The following PIGK variants were observed in gnomAD, a reference collection of about 807,000 sequenced individuals.
PIGK encodes the protein GPI-anchor transamidase.
In PIGK, 42 loss-of-function variants were observed where a neutral mutation model predicts 50.6. The ratio of observed to expected loss-of-function variants is 0.83; its 90% CI spans 0.65 to 1.07. PIGK has a LOEUF of 1.07. Ranked by LOEUF, PIGK falls within the 50% of genes least tolerant of loss-of-function variation. PIGK has a pLI of 0.00. For missense variants in PIGK, 448 were observed against 488.7 expected (o/e 0.92, Z 0.78); for synonymous variants, 151 against 156.0 (o/e 0.97, Z 0.24).
chr1:77,151,298 C>T (rs1037694901), intron 9 of PIGK, among the ~76,000 whole-genome samples: 1 of 152,132 alleles, frequency 6.6e-6, no homozygotes, highest in African/African-American at 2.4e-5. Context: ...AATTCAGCAT[C>T]CCTTCATGAT....
chr1:77,176,923 T>C (rs1181498979), intron 3 of PIGK, among the ~76,000 whole-genome samples: 1 of 152,182 alleles, frequency 6.6e-6, no homozygotes. Flanking sequence ...AATATTGGTG[T>C]GGTAACTTAC....
chr1:77,151,131 T>TA (rs1005416582), intron 9 of PIGK, among the ~76,000 whole-genome samples: 5 of 151,678 alleles, frequency 3.3e-5, no homozygotes, highest in African/African-American at 7.3e-5. Context: ...CACAGCACAT[T>TA]AAAAAAAGAC....
intron 3 of PIGK, among the ~76,000 whole-genome samples, chr1:77,175,073 CT>C (rs1223297693): frequency 6.6e-6 from 1 of 152,056 alleles, no homozygotes; most frequent in Non-Finnish European, 1.5e-5. Flanking sequence ...CTTTAGTAAT[CT>C]TTGGGAAATA....
rs1653307959 is a variant in PIGK, at chr1:77,091,847, C to T, written c.*527G>A. The T allele has an allele frequency of 6.6e-6, 1 of 152,106 alleles. No individual in the cohort carries two copies. The highest frequency in any genetic ancestry group is 6.5e-5 in the Admixed American group (1 of 15,268). 9.4% of individuals were successfully genotyped at this position (152,106 alleles called of 1,614,324 possible). A position where few individuals can be genotyped will look rare whatever the true frequency, so the allele number is the denominator to read the frequency against. ...AAGACTGTGAAATGAATTAAATATT[C>T]ATAAAGTGAATACTATGCAGTCATT... On this transcript the variant is annotated 3_prime_UTR_variant, in exon 11 of 11. Transcript: ENST00000370812.
chr1:77,132,936 G>A (rs904733114), intron 9 of PIGK, among the ~76,000 whole-genome samples: 4 of 151,928 alleles, frequency 2.6e-5, no homozygotes, highest in African/African-American at 9.7e-5. Flanking sequence ...TCTCTGTCAG[G>A]CTTTTAAGTT....
intron 10 of PIGK, among the ~76,000 whole-genome samples, chr1:77,109,302 A>C (rs1211089883): frequency 5.3e-5 from 8 of 152,188 alleles, no homozygotes; most frequent in Non-Finnish European, 1.0e-4. Flanking sequence ...CAGAGACACA[A>C]CAACAAAAGA....
At position 77,169,401 on chromosome 1, in the gene PIGK, G is replaced by T; in HGVS notation, c.240-6C>A. The T allele has an allele frequency of 6.4e-7, 1 of 1,569,182 alleles. No individual in the cohort carries two copies. Among genetic ancestry groups the T allele is most frequent in the Non-Finnish European group, 8.6e-7 (1 of 1,162,512 alleles). ...CAAGCATTAGGACAATGTGACTAGG[G>T]AAAAAAAATCCAGTAAATATATAAT... is the stretch of plus-strand genomic sequence containing the variant. On this transcript the variant is annotated splice_polypyrimidine_tract_variant and splice_region_variant and intron_variant, in intron 3 of 10. Coordinates refer to ENST00000370812, the MANE Select transcript of PIGK (RefSeq NM_005482.3).
In PIGK at chr1:77,133,836, T is replaced by C. The variant is rs1476675962; in HGVS notation, c.987-11477A>G. Among the ~76,000 whole-genome samples, 4 of 152,292 alleles carry C rather than the reference T, an allele frequency of 2.6e-5. No homozygotes were observed. The South Asian group carries it at 6.2e-4, about 24-fold the overall frequency. On this transcript the variant is annotated intron_variant, in intron 9 of 10. Coordinates refer to ENST00000370812, the MANE Select transcript of PIGK (RefSeq NM_005482.3). The stretch of plus-strand genomic sequence containing the variant: ...AGTAAGACTATAGAGATTTCTAATA[T>C]AATTTTCAAAGGTTTCTGACTTACA...
At chr1:77,188,371 T>C (rs569134083) in intron 3 of PIGK, among the ~76,000 whole-genome samples, 3 of 152,210 alleles carry the variant, frequency 2.0e-5, no homozygotes, top group South Asian at 2.1e-4. Context: ...ACTGCAGAGA[T>C]GAAATATACT....
chr1:77,096,250 G>A (rs778866686), intron 10 of PIGK, among the ~76,000 whole-genome samples: 3 of 152,072 alleles, frequency 2.0e-5, no homozygotes, highest in Non-Finnish European at 2.9e-5. Context: ...GCACATCTTC[G>A]AGTCCTTCAT....
intron 3 of PIGK, among the ~76,000 whole-genome samples, chr1:77,193,489 G>A (rs917058517): frequency 3.9e-5 from 6 of 152,120 alleles, no homozygotes; most frequent in Non-Finnish European, 7.4e-5. Context: ...TGGAAAGCCC[G>A]AAGATATGTC....
chr1:77,093,555 G>T (rs1653343731), intron 10 of PIGK, among the ~76,000 whole-genome samples: 1 of 152,100 alleles, frequency 6.6e-6, no homozygotes, highest in African/African-American at 2.4e-5. Context: ...TAAAAGGAAA[G>T]AAAGCTACCT....
At chr1:77,174,748 ACC>A (rs1655444304) in intron 3 of PIGK, among the ~76,000 whole-genome samples, 1 of 151,418 alleles carries the variant, frequency 6.6e-6, no homozygotes, top group Non-Finnish European at 1.5e-5. Context: ...TGAGAATGAG[ACC>A]CTTAATTTCT....
rs543551501 is a variant in PIGK, at chr1:77,186,729, G to A, written c.240-17334C>T. ...TGAACAAAGTGGCTATGGTGGCAGG[G>A]ATGGAGGTTACACAGGAGTTCAGCA... On this transcript the variant is annotated intron_variant, in intron 3 of 10. Coordinates refer to ENST00000370812, the MANE Select transcript of PIGK (RefSeq NM_005482.3). Among the ~76,000 whole-genome samples the A allele has an allele frequency of 1.1e-3, 160 of 152,236 alleles. 1 individual carries two copies. Among genetic ancestry groups the A allele is most frequent in the African/African-American group, 3.6e-3 (149 of 41,530 alleles).
At chr1:77,126,025 C>T (rs1654222725) in intron 9 of PIGK, among the ~76,000 whole-genome samples, 1 of 152,038 alleles carries the variant, frequency 6.6e-6, no homozygotes. Context: ...CATTTACTTT[C>T]CCGAGTTCAG....
At chr1:77,210,122 T>C (rs1319507027) in intron 2 of PIGK, among the ~76,000 whole-genome samples, 1 of 152,068 alleles carries the variant, frequency 6.6e-6, no homozygotes, top group Non-Finnish European at 1.5e-5. Flanking sequence ...ATACTATAAA[T>C]AACAGATGCA....
chr1:77,164,207 C>G (rs751934438), intron 5 of PIGK, among the ~76,000 whole-genome samples: 2 of 152,154 alleles, frequency 1.3e-5, no homozygotes, highest in Non-Finnish European at 2.9e-5. Flanking sequence ...CTTCCACTGG[C>G]TCCATTATTA....
chr1:77,109,969 GACAA>G (rs1653798661), intron 10 of PIGK, among the ~76,000 whole-genome samples: 1 of 152,086 alleles, frequency 6.6e-6, no homozygotes, highest in Non-Finnish European at 1.5e-5. Flanking sequence ...ACCAATAACA[GACAA>G]ACAGAGAGCC....
At chr1:77,202,093 A>G (rs1656183069) in intron 3 of PIGK, among the ~76,000 whole-genome samples, 1 of 152,090 alleles carries the variant, frequency 6.6e-6, no homozygotes, top group Non-Finnish European at 1.5e-5. Context: ...ACCAGACTAT[A>G]CAGCACTGTT....
Sources: allele counts gnomAD v4.1 joint callset (sites outside exome capture counted in the v4.1 genomes callset), GRCh38; gene constraint gnomAD v4.1.1; transcripts MANE v1.5; gene names NCBI Gene and HGNC (gene_info 2026-07-23, HGNC 2026-07-21).